The following SMC5 variants were observed in gnomAD, a reference collection of about 807,000 sequenced individuals.
SMC5 encodes the protein structural maintenance of chromosomes protein 5.
Under a neutral mutation model 148.3 loss-of-function variants are expected in SMC5, and 88 were observed. The ratio of observed to expected loss-of-function variants is 0.59; its 90% CI spans 0.50 to 0.71. The LOEUF (loss-of-function observed/expected upper bound fraction) is 0.71, where lower values mean the gene tolerates loss of function less well. Ranked by LOEUF, SMC5 falls within the 30% of genes least tolerant of loss-of-function variation. SMC5 has a pLI of 0.00. For missense variants in SMC5, 1,142 were observed against 1,298.9 expected, an observed-to-expected ratio of 0.88 and a Z score of 1.86; for synonymous variants, 421 against 432.8, an observed-to-expected ratio of 0.97 and a Z score of 0.34.
chr9:70,345,763 A>G (rs1266689799), intron 18 of SMC5, among the ~76,000 whole-genome samples: 2 of 152,112 alleles, frequency 1.3e-5, no homozygotes. Context: ...GAAAAGTGAC[A>G]TTACTACTTT....
At chr9:70,288,826 A>G (rs2118268337) in intron 8 of SMC5, among the ~76,000 whole-genome samples, 1 of 152,172 alleles carries the variant, frequency 6.6e-6, no homozygotes, top group South Asian at 2.1e-4. Context: ...TGACTTTTTT[A>G]AAGAATTTTT....
chr9:70,286,366 G>A, intron 8 of SMC5, 95 bp downstream of exon 8: 1 of 744,370 alleles, frequency 1.3e-6, no homozygotes, highest in Non-Finnish European at 2.3e-6. Flanking sequence ...TTGGGGAATG[G>A]CCAAGATCCT....
intron 1 of SMC5, among the ~76,000 whole-genome samples, chr9:70,262,959 CAA>C (rs34606031): frequency 7.1e-6 from 1 of 141,556 alleles, no homozygotes; most frequent in Non-Finnish European, 1.6e-5. Context: ...CTACCCCCGC[CAA>C]AAAAAAAAAA....
intron 18 of SMC5, among the ~76,000 whole-genome samples, chr9:70,345,234 A>C (rs2036638318): frequency 6.6e-6 from 1 of 152,078 alleles, no homozygotes; most frequent in Non-Finnish European, 1.5e-5. Context: ...CTGTTTTTGA[A>C]TCAAAATTAG....
intron 11 of SMC5, among the ~76,000 whole-genome samples, chr9:70,307,873 T>C (rs2035548565): frequency 6.6e-6 from 1 of 152,212 alleles, no homozygotes. Flanking sequence ...GGTTGACTCC[T>C]GTGTCATTTT....
chr9:70,313,144 A>T (rs1038445605), intron 11 of SMC5, among the ~76,000 whole-genome samples: 5 of 152,114 alleles, frequency 3.3e-5, no homozygotes, highest in Non-Finnish European at 7.4e-5. Flanking sequence ...AATTTTTCCA[A>T]TTCATCTAAG....
At chr9:70,338,034 G>A (rs978857869) in intron 17 of SMC5, among the ~76,000 whole-genome samples, 10 of 151,980 alleles carry the variant, frequency 6.6e-5, no homozygotes, top group African/African-American at 2.4e-4. Flanking sequence ...GTTTCCTTGA[G>A]AACGGGTTCT....
intron 23 of SMC5, 37 bp from the exon 24 acceptor site, chr9:70,350,339 A>G: frequency 6.2e-7 from 1 of 1,610,078 alleles, no homozygotes; most frequent in Non-Finnish European, 8.5e-7. Context: ...ATCCTGTAAC[A>G]GGAATAAATG....
Position 70,290,508 on chromosome 9 carries a change from G to A in SMC5, c.1053+4237G>A, listed in dbSNP as rs533399176. ...ATACCGCAATAGTTCTTTTATATTG[G>A]ATAGGAAGAAAAAAAGTTATAAACA... is the stretch of plus-strand genomic sequence containing the variant. On this transcript the variant is annotated intron_variant, in intron 8 of 24. Coordinates refer to ENST00000361138, the MANE Select transcript of SMC5 (RefSeq NM_015110.4). 4.6e-5 allele frequency among the ~76,000 whole-genome samples: 7 copies of A among 152,118 alleles called. No individual in the cohort carries two copies. The South Asian group carries it at 1.2e-3, about 27-fold the overall frequency.
At chr9:70,273,010 C>A (rs546011005) in intron 3 of SMC5, among the ~76,000 whole-genome samples, 2 of 151,912 alleles carry the variant, frequency 1.3e-5, no homozygotes, top group Non-Finnish European at 2.9e-5. Flanking sequence ...TTAGAATAAC[C>A]CAGTTTGGTC....
chr9:70,302,609 G>T (rs533788519), intron 10 of SMC5, among the ~76,000 whole-genome samples: 2 of 152,218 alleles, frequency 1.3e-5, no homozygotes, highest in South Asian at 4.2e-4. Context: ...TGTGGAGGTT[G>T]CAGTTACCCA....
In SMC5 at chr9:70,352,346, G is replaced by A; in HGVS notation, c.*15G>A. ...AACCTTCTTAATAAAAGTAAAGAGA[G>A]GGAACTTGGGAATTTTTTTTGTTAA... On this transcript the variant is annotated 3_prime_UTR_variant, in exon 25 of 25. Transcript: ENST00000361138. 6.4e-7 allele frequency: 1 copy of A among 1,568,780 alleles called. No homozygotes were observed. The highest frequency in any genetic ancestry group is 8.6e-7 in the Non-Finnish European group (1 of 1,161,188).
At chr9:70,268,808 ACACCAATAATT>A (rs2034364930) in intron 3 of SMC5, among the ~76,000 whole-genome samples, 1 of 152,196 alleles carries the variant, frequency 6.6e-6, no homozygotes, top group South Asian at 2.1e-4. Context: ...CTCCCTTATG[ACACCAATAATT>A]CATCATAGTA....
At chr9:70,305,462 C>A in intron 11 of SMC5, 102 bp downstream of exon 11, 1 of 696,954 alleles carries the variant, frequency 1.4e-6, no homozygotes, top group South Asian at 1.7e-5. Flanking sequence ...AATTTTACCA[C>A]CAGTTCACTC....
chr9:70,300,363 G>T (rs574888936), intron 10 of SMC5, among the ~76,000 whole-genome samples, 163 bp downstream of exon 10: 1 of 152,042 alleles, frequency 6.6e-6, no homozygotes, highest in Non-Finnish European at 1.5e-5. Context: ...AAGGTCCCCT[G>T]ATCAATGAGG....
At chr9:70,334,598 T>G (rs561265506) in intron 17 of SMC5, among the ~76,000 whole-genome samples, 72 of 152,236 alleles carry the variant, frequency 4.7e-4, no homozygotes, top group African/African-American at 1.6e-3. Flanking sequence ...AAGAATAGTT[T>G]TCATACTTTT....
At chr9:70,320,437 G>A (rs2035913714) in intron 15 of SMC5, among the ~76,000 whole-genome samples, 1 of 151,862 alleles carries the variant, frequency 6.6e-6, no homozygotes, top group Admixed American at 6.6e-5. Flanking sequence ...ATATTCAGGG[G>A]GACAAAAATG....
chr9:70,312,983 C>T (rs1387501217), intron 11 of SMC5, among the ~76,000 whole-genome samples: 2 of 152,112 alleles, frequency 1.3e-5, no homozygotes, highest in Non-Finnish European at 2.9e-5. Flanking sequence ...GCTTCCTTAA[C>T]TGTTTTATCA....
chr9:70,300,036 A>G lies in SMC5; in HGVS notation c.1310-10A>G. 6.5e-7 allele frequency: 1 copy of G among 1,549,148 alleles called. No individual in the cohort carries two copies. Among genetic ancestry groups the G allele is most frequent in the Non-Finnish European group, 8.6e-7 (1 of 1,156,658 alleles). On this transcript the variant is annotated splice_polypyrimidine_tract_variant and intron_variant, in intron 9 of 24. Transcript: ENST00000361138. ...GAGAAACAAGACTTTGTTTTGTTTT[A>G]CAATTTTAGGTGTGGACGATCATAT...
Sources: gnomAD v4.1 joint callset for allele counts (sites outside exome capture counted in the v4.1 genomes callset) on GRCh38, gnomAD v4.1.1 for gene constraint, MANE v1.5 for transcripts, NCBI Gene and HGNC (gene_info 2026-07-23, HGNC 2026-07-21) for gene names.